Variants in ROBO1 observed in about 807,000 individuals in gnomAD.
The protein encoded by ROBO1 is roundabout guidance receptor 1.
In ROBO1, 149 loss-of-function variants were observed where a neutral mutation model predicts 195.9. The ratio of observed to expected loss-of-function variants is 0.76; its 90% confidence interval spans 0.67 to 0.87. The LOEUF is 0.87. ROBO1 is among the 40% of genes least tolerant of loss of function. The pLI is 0.00. For synonymous variants in ROBO1, 816 were observed against 733.2 expected, an observed-to-expected ratio of 1.11 and a Z score of -1.82; for missense variants, 1,933 against 2,068.3, an observed-to-expected ratio of 0.93 and a Z score of 1.27.
intron 27 of ROBO1, 93 bp downstream of exon 27, chr3:78,617,542 C>G (rs969306544): frequency 3.2e-6 from 4 of 1,240,940 alleles, no homozygotes; most frequent in African/African-American, 3.0e-5. Flanking sequence ...AGATGCTTTT[C>G]AAATAGGACG....
intron 2 of ROBO1, among the ~76,000 whole-genome samples, chr3:79,530,755 C>CCCCACA (rs1491090736): frequency 3.9e-5 from 5 of 128,130 alleles, no homozygotes; most frequent in Non-Finnish European, 6.6e-5. Flanking sequence ...CACCTTGTAA[C>CCCCACA]CACACACACA....
chr3:79,272,173 T>C (rs2030624166), intron 2 of ROBO1, among the ~76,000 whole-genome samples: 1 of 151,846 alleles, frequency 6.6e-6, no homozygotes, highest in South Asian at 2.1e-4. Context: ...GATATAAGTA[T>C]TGAAAGCATG....
At chr3:78,679,170 G>A (rs1183324998) in intron 10 of ROBO1, among the ~76,000 whole-genome samples, 8 of 151,076 alleles carry the variant, frequency 5.3e-5, no homozygotes, top group African/African-American at 1.7e-4. Context: ...TTGATGGGAC[G>A]TATCTCAAAA....
intron 2 of ROBO1, among the ~76,000 whole-genome samples, chr3:79,355,187 CAAAA>C (rs750719790): frequency 3.8e-4 from 56 of 145,948 alleles, no homozygotes; most frequent in Middle Eastern, 3.5e-3. Context: ...AACAAACAAA[CAAAA>C]AAAAAACCAT....
At position 79,112,458 on chromosome 3, in the gene ROBO1, G is replaced by A. The variant is rs959198956; in HGVS notation, c.172+12998C>T. Among the ~76,000 whole-genome samples, 12 of 152,256 alleles carry A rather than the reference G, an allele frequency of 7.9e-5. 1 individual carries two copies. In the East Asian group the frequency reaches 1.4e-3, roughly 17 times the overall value. On this transcript the variant is annotated intron_variant, in intron 3 of 30. Transcript: ENST00000464233. Reference sequence around the variant, plus strand: ...ATGGAGTGGTCAATCCAAAATGGTCGTAGCTAACGATCAGAGACAAAGCAA... The same window carrying A: ...ATGGAGTGGTCAATCCAAAATGGTCATAGCTAACGATCAGAGACAAAGCAA...
chr3:78,903,115 A>G (rs2037684665), intron 4 of ROBO1, among the ~76,000 whole-genome samples: 1 of 152,150 alleles, frequency 6.6e-6, no homozygotes, highest in Non-Finnish European at 1.5e-5. Flanking sequence ...CAAATATTTG[A>G]TTCTCTTCAA....
rs551846129 is a variant in ROBO1, at chr3:78,761,464, A to G, written c.500-14564T>C. On this transcript the variant is annotated intron_variant, in intron 4 of 30. Transcript: ENST00000464233. ...TGACTATTTTTAACAATCTTTTTAT[A>G]TTCTATGTTCTGAAAGTTGAACCAA... Among the ~76,000 whole-genome samples the G allele has an allele frequency of 2.0e-5, 3 of 152,252 alleles. No individual in the cohort carries two copies. In the South Asian group the frequency reaches 6.2e-4, roughly 32 times the overall value.
rs144922694 is a variant in ROBO1 at position 79,066,584 on chromosome 3, T to C, written c.172+58872A>G. ...AAACTGCCAGAGTAATTTTTTTAGA[T>C]ATTTAAAAAAATGCTTCTTAGGGAA... On this transcript the variant is annotated intron_variant, in intron 3 of 30. Transcript: ENST00000464233. 6.6e-3 allele frequency among the ~76,000 whole-genome samples: 1,000 copies of C among 152,024 alleles called. 16 individuals carry two copies. The highest frequency in any genetic ancestry group is 0.023 in the African/African-American group (955 of 41,530).
intron 18 of ROBO1, among the ~76,000 whole-genome samples, chr3:78,654,144 A>G (rs566147724): frequency 6.6e-6 from 1 of 152,328 alleles, no homozygotes; most frequent in Non-Finnish European, 1.5e-5. Context: ...TTATTAAATG[A>G]CATTGCATCT....
intron 3 of ROBO1, among the ~76,000 whole-genome samples, chr3:78,962,169 C>A (rs1329747932): frequency 1.3e-5 from 2 of 152,094 alleles, no homozygotes; most frequent in African/African-American, 4.8e-5. Context: ...CCCATGAACA[C>A]CAAGTTAGGA....
chr3:79,190,697 C>A (rs1269200676), intron 2 of ROBO1, among the ~76,000 whole-genome samples: 1 of 151,520 alleles, frequency 6.6e-6, no homozygotes, highest in African/African-American at 2.4e-5. Flanking sequence ...TAAGGTCCCC[C>A]TTGACTCAAT....
intron 3 of ROBO1, among the ~76,000 whole-genome samples, chr3:79,110,447 C>T (rs73124702): frequency 6.6e-6 from 1 of 151,660 alleles, no homozygotes; most frequent in Non-Finnish European, 1.5e-5. Context: ...TTTCTTTCTC[C>T]AGCGATTTTG....
chr3:79,664,093 A>G (rs1221687614), intron 1 of ROBO1, among the ~76,000 whole-genome samples: 1 of 152,044 alleles, frequency 6.6e-6, no homozygotes, highest in Non-Finnish European at 1.5e-5. Flanking sequence ...ATTTTAAATC[A>G]CTTACCATGT....
At chr3:79,461,739 C>A (rs1447588737) in intron 2 of ROBO1, among the ~76,000 whole-genome samples, 1 of 152,130 alleles carries the variant, frequency 6.6e-6, no homozygotes, top group Non-Finnish European at 1.5e-5. Context: ...GATCTTAGAA[C>A]TAAGATGCCA....
At chr3:79,231,474 T>C (rs187790422) in intron 2 of ROBO1, among the ~76,000 whole-genome samples, 22 of 152,108 alleles carry the variant, frequency 1.4e-4, no homozygotes, top group Admixed American at 1.4e-3. Context: ...TCAACATCAC[T>C]GATCATCAGA....
intron 1 of ROBO1, among the ~76,000 whole-genome samples, chr3:79,602,410 G>A (rs1944365080): frequency 6.6e-6 from 1 of 151,974 alleles, no homozygotes; most frequent in African/African-American, 2.4e-5. Context: ...TTTTTGAAAG[G>A]CATTTAGCTT....
At chr3:79,652,321 C>T (rs943886957) in intron 1 of ROBO1, among the ~76,000 whole-genome samples, 2 of 145,658 alleles carry the variant, frequency 1.4e-5, no homozygotes, top group African/African-American at 5.2e-5. Context: ...TCTTTCCATT[C>T]TCAGACCTCT....
chr3:78,677,624 C>G (rs1708518940), intron 10 of ROBO1, among the ~76,000 whole-genome samples: 1 of 151,446 alleles, frequency 6.6e-6, no homozygotes, highest in Non-Finnish European at 1.5e-5. Flanking sequence ...GAGGAGCTAA[C>G]TATCCTAAAT....
rs558513681 is a variant in ROBO1, at chr3:79,354,711, A to T, written c.89-229172T>A. On this transcript the variant is annotated intron_variant, in intron 2 of 30. Transcript: ENST00000464233. ...TATTTTGACACATTTGCCACAATCTACAAGTCATATACTCCAACAAGTAAG... is the reference window on the plus strand; with the variant it reads ...TATTTTGACACATTTGCCACAATCTTCAAGTCATATACTCCAACAAGTAAG... 1.5e-4 allele frequency among the ~76,000 whole-genome samples: 23 copies of T among 152,334 alleles called. No individual in the cohort carries two copies. In the South Asian group the frequency reaches 3.3e-3, roughly 22 times the overall value.
Sources: gnomAD v4.1 joint callset for allele counts (sites outside exome capture counted in the v4.1 genomes callset) on GRCh38, gnomAD v4.1.1 for gene constraint, MANE v1.5 for transcripts, NCBI Gene and HGNC (gene_info 2026-07-23, HGNC 2026-07-21) for gene names.